Variants in KIFC3 observed in about 807,000 individuals in gnomAD.
The protein encoded by KIFC3 is kinesin-like protein KIFC3.
A neutral mutation model predicts 101.8 loss-of-function variants in KIFC3; 60 were observed. The observed-to-expected ratio is 0.59, with a 90% CI of 0.48 to 0.73. The LOEUF (loss-of-function observed/expected upper bound fraction) is 0.73, where lower values mean the gene tolerates loss of function less well. KIFC3 is among the 30% of genes least tolerant of loss of function. KIFC3 has a pLI of 0.00. For synonymous variants in KIFC3, 476 were observed against 482.7 expected (o/e 0.99, Z 0.18); for missense variants, 966 against 1,137.1 (o/e 0.85, Z 2.16).
chr16:57,847,254 GGAAGGAAGGA>G (rs1567339364), intron 1 of KIFC3, among the ~76,000 whole-genome samples: 1 of 101,606 alleles, frequency 9.8e-6, no homozygotes, highest in East Asian at 3.3e-4. Flanking sequence ...AAGGAAGGAA[GGAAGGAAGGA>G]AGGAAGGGAA....
intron 1 of KIFC3, among the ~76,000 whole-genome samples, chr16:57,837,827 C>A (rs566056770): frequency 1.3e-5 from 2 of 152,264 alleles, no homozygotes; most frequent in East Asian, 3.9e-4. Context: ...CCACAGCAGG[C>A]AGAGCCAACC....
chr16:57,788,214 C>T (rs1448828338), intron 3 of KIFC3, among the ~76,000 whole-genome samples: 5 of 152,184 alleles, frequency 3.3e-5, no homozygotes, highest in African/African-American at 1.2e-4. Context: ...CCGAGTCTCT[C>T]TCTGCAGGTG....
chr16:57,795,309 G>C (rs1417153094), intron 2 of KIFC3, among the ~76,000 whole-genome samples, 168 bp from the exon 3 acceptor site: 1 of 152,218 alleles, frequency 6.6e-6, no homozygotes, highest in Non-Finnish European at 1.5e-5. Flanking sequence ...GCCCTGCAGA[G>C]GGGAAGGCCT....
chr16:57,793,455 C>T (rs782275577), intron 3 of KIFC3, among the ~76,000 whole-genome samples: 10 of 150,626 alleles, frequency 6.6e-5, no homozygotes, highest in African/African-American at 2.0e-4. Flanking sequence ...TAGCTGGGCA[C>T]GGTGGCACAC....
chr16:57,759,474 C>T (rs1176796747), intron 18 of KIFC3: 2 of 576,814 alleles, frequency 3.5e-6, no homozygotes, highest in South Asian at 2.2e-5. Flanking sequence ...AGAGTCAGCA[C>T]CCCCGGCTGA....
chr16:57,785,682 T>C, intron 3 of KIFC3: 1 of 1,218,992 alleles, frequency 8.2e-7, no homozygotes, highest in Non-Finnish European at 1.1e-6. Context: ...AGCAAAGTAG[T>C]GGCTGATGAG....
chr16:57,831,839 G>GAAGT (rs1344676206), intron 1 of KIFC3, among the ~76,000 whole-genome samples: 6 of 152,200 alleles, frequency 3.9e-5, no homozygotes, highest in African/African-American at 1.4e-4. Flanking sequence ...GTAGACCTGG[G>GAAGT]AACCCTGATC....
intron 3 of KIFC3, among the ~76,000 whole-genome samples, chr16:57,778,916 A>G (rs1258778544): frequency 6.6e-6 from 1 of 152,170 alleles, no homozygotes; most frequent in Non-Finnish European, 1.5e-5. Context: ...ACAAATAAAT[A>G]AAGAAAATGA....
At chr16:57,809,422 T>A (rs1208744519) in intron 1 of KIFC3, among the ~76,000 whole-genome samples, 2 of 152,230 alleles carry the variant, frequency 1.3e-5, no homozygotes, top group African/African-American at 4.8e-5. Flanking sequence ...CAGCCTCCCG[T>A]GTACTGGAAC....
Position 57,798,267 on chromosome 16 carries a change from C to T in KIFC3, c.-24G>A, listed in dbSNP as rs1555624124. Reference sequence around the variant, plus strand: ...ATGGCCTGGGGCTCAGCAGCCTCCTCGGGGCACCAGGCAGCCTGCGGAGAG... The same window carrying T: ...ATGGCCTGGGGCTCAGCAGCCTCCTTGGGGCACCAGGCAGCCTGCGGAGAG... On this transcript the variant is annotated 5_prime_UTR_variant, in exon 2 of 20. Transcript: ENST00000445690. 5 of 1,550,662 alleles carry T rather than the reference C, an allele frequency of 3.2e-6. No individual in the cohort carries two copies. The South Asian group carries it at 4.7e-5, about 15-fold the overall frequency.
Position 57,759,169 on chromosome 16 carries a change from C to T in KIFC3, c.2477-16G>A. ...AGCCGTCAGGCTGAAATCAAAGTGA[C>T]AGGCGTCTCACTGGTGGGCTTGCCT... On this transcript the variant is annotated splice_polypyrimidine_tract_variant and intron_variant, in intron 18 of 19. Transcript: ENST00000445690. 1.9e-6 allele frequency: 3 copies of T among 1,550,970 alleles called. No individual in the cohort carries two copies. Among genetic ancestry groups the T allele is most frequent in the East Asian group, 2.4e-5 (1 of 40,926 alleles).
At chr16:57,852,137 T>G (rs1183662765) in intron 1 of KIFC3, among the ~76,000 whole-genome samples, 1 of 152,188 alleles carries the variant, frequency 6.6e-6, no homozygotes, top group Non-Finnish European at 1.5e-5. Context: ...GTCTCACTTT[T>G]ATGTTAGAGA....
intron 10 of KIFC3, among the ~76,000 whole-genome samples, chr16:57,766,235 C>T (rs2050466163): frequency 6.6e-6 from 1 of 152,230 alleles, no homozygotes; most frequent in Non-Finnish European, 1.5e-5. Context: ...GCCAGCATGG[C>T]CCACCTGCCC....
chr16:57,765,919 C>A, intron 10 of KIFC3: 1 of 378,406 alleles, frequency 2.6e-6, no homozygotes. Context: ...AGCACTGCAC[C>A]CCGTCAGGGT....
chr16:57,849,457 T>G (rs1199866864), intron 1 of KIFC3, among the ~76,000 whole-genome samples: 2 of 152,238 alleles, frequency 1.3e-5, no homozygotes, highest in African/African-American at 2.4e-5. Flanking sequence ...AAAACCCTTA[T>G]TAAGTGCTCT....
At chr16:57,797,406 G>A (rs1555623447) in intron 2 of KIFC3, among the ~76,000 whole-genome samples, 1 of 152,220 alleles carries the variant, frequency 6.6e-6, no homozygotes, top group Non-Finnish European at 1.5e-5. Flanking sequence ...TCCAGTCCCG[G>A]CCCTGAATCA....
At chr16:57,805,988 C>T (rs1287792617), upstream of KIFC3, among the ~76,000 whole-genome samples, 5 of 152,056 alleles carry the variant, frequency 3.3e-5, no homozygotes, top group African/African-American at 1.2e-4. Flanking sequence ...ATCTGCCCGC[C>T]TCAACCTCCC....
At chr16:57,795,514 T>A (rs1433731533) in intron 2 of KIFC3, among the ~76,000 whole-genome samples, 2 of 152,220 alleles carry the variant, frequency 1.3e-5, no homozygotes, top group African/African-American at 2.4e-5. Flanking sequence ...GCACAGGGGC[T>A]ATGGCTTTAT....
chr16:57,794,991 G>A lies in KIFC3; in HGVS notation c.315+8C>T, dbSNP rs768042766. The A allele has an allele frequency of 2.9e-5, 46 of 1,565,396 alleles. No homozygotes were observed. The highest frequency in any genetic ancestry group is 3.9e-5 in the Non-Finnish European group (45 of 1,163,532). The stretch of plus-strand genomic sequence containing the variant: ...GGCACATGCAGCCTGGAAGGCCCCA[G>A]TGCTTACCTGCAGGGTCAGGTAGAG... On this transcript the variant is annotated splice_region_variant and intron_variant, in intron 3 of 19. Coordinates refer to ENST00000445690, the MANE Select transcript of KIFC3 (RefSeq NM_001130100.2).
Sources: gnomAD v4.1 joint callset for allele counts (sites outside exome capture counted in the v4.1 genomes callset) on GRCh38, gnomAD v4.1.1 for gene constraint, MANE v1.5 for transcripts, NCBI Gene and HGNC (gene_info 2026-07-23, HGNC 2026-07-21) for gene names.